The following MMRN1 variants were observed in gnomAD, a reference collection of about 807,000 sequenced individuals.
The protein encoded by MMRN1 is multimerin-1.
Under a neutral mutation model 100.7 loss-of-function variants are expected in MMRN1, and 94 were observed. The observed-to-expected ratio is 0.93, with a 90% CI of 0.79 to 1.11. The LOEUF (loss-of-function observed/expected upper bound fraction) is 1.11, where lower values mean the gene tolerates loss of function less well. Among genes scored for constraint, MMRN1 ranks in the 50% least tolerant of loss-of-function variants. MMRN1 has a pLI of 0.00. For synonymous variants in MMRN1, 575 were observed against 505.0 expected, an observed-to-expected ratio of 1.14 and a Z score of -1.86; for missense variants, 1,606 against 1,439.1, an observed-to-expected ratio of 1.12 and a Z score of -1.88.
intron 1 of MMRN1, among the ~76,000 whole-genome samples, chr4:89,903,444 A>T (rs1721454564): frequency 6.6e-6 from 1 of 151,426 alleles, no homozygotes; most frequent in South Asian, 2.1e-4. Flanking sequence ...GAAATTATTG[A>T]CTTGAAACAT....
rs779249513 is a variant in MMRN1 at position 89,895,454 on chromosome 4, C to A, written c.483C>A (p.Gly161=). ...CAACTTCTCTAAACACAGTTGGAGG[C>A]ACTGGAGGCATTGGAGGCGTTGGAG... The part of the protein sequence containing the change: ...EQATSLNTVG[G]TGGIGGVGGT... The change falls in exon 1 of 8, where the codon GGC becomes GGA. Residue 161 remains glycine (G), a synonymous_variant. Coordinates refer to ENST00000264790, the MANE Select transcript of MMRN1 (RefSeq NM_007351.3). 26 of 1,613,604 alleles carry A rather than the reference C, an allele frequency of 1.6e-5. 2 individuals carry two copies. The South Asian group carries it at 2.9e-4, about 18-fold the overall frequency.
chr4:89,894,710 CCATTTACCCTTAGCTTTGT>C, upstream of MMRN1: 1 of 323,398 alleles, frequency 3.1e-6, no homozygotes, highest in Non-Finnish European at 5.5e-6. Flanking sequence ...CTGTGCTTTC[CCATTTACCCTTAGCTTTGT>C]CAGAGACCCT....
At chr4:89,880,267 A>G (rs561279702) in intron 1 of MMRN1, among the ~76,000 whole-genome samples, 2 of 152,144 alleles carry the variant, frequency 1.3e-5, no homozygotes, top group Non-Finnish European at 2.9e-5. Context: ...CTCAGCTGCC[A>G]TATCTTGGGC....
chr4:89,883,427 T>C (rs1345808268), intron 1 of MMRN1, among the ~76,000 whole-genome samples: 1 of 152,014 alleles, frequency 6.6e-6, no homozygotes, highest in East Asian at 1.9e-4. Flanking sequence ...AAATTTTAGG[T>C]CTCTTAATGG....
intron 1 of MMRN1, among the ~76,000 whole-genome samples, chr4:89,900,254 G>C (rs942887740): frequency 1.3e-5 from 2 of 151,994 alleles, no homozygotes; most frequent in African/African-American, 4.8e-5. Flanking sequence ...GTGAAATTTG[G>C]TCTTTCATTC....
At chr4:89,901,741 A>C (rs1202638385) in intron 1 of MMRN1, among the ~76,000 whole-genome samples, 1 of 151,998 alleles carries the variant, frequency 6.6e-6, no homozygotes, top group Non-Finnish European at 1.5e-5. Context: ...CCCATTAATC[A>C]CATTCTTTAT....
rs1179753614 is a variant in MMRN1 at position 89,950,544 on chromosome 4, A to T, written c.3119-1061A>T. On this transcript the variant is annotated intron_variant, in intron 6 of 7. Transcript: ENST00000264790. ...TTTAAATGTTGCCACCTTATATTTAAATAATGTTATTATTGCTAAATTTAT... is the reference window on the plus strand; with the variant it reads ...TTTAAATGTTGCCACCTTATATTTATATAATGTTATTATTGCTAAATTTAT... Among the ~76,000 whole-genome samples, 4 of 152,152 alleles carry T rather than the reference A, an allele frequency of 2.6e-5. No individual in the cohort carries two copies. In the East Asian group the frequency reaches 7.7e-4, roughly 29 times the overall value.
chr4:89,895,279 C>G lies in MMRN1; in HGVS notation c.308C>G (p.Thr103Arg). ...GTGAGAAATCAAACTCTCACATCCACAGAGAAAGCAGAAGGAGTGGTCAAG... is the reference window on the plus strand; with the variant it reads ...GTGAGAAATCAAACTCTCACATCCAGAGAGAAAGCAGAAGGAGTGGTCAAG... ...EGVRNQTLTS[T>R]EKAEGVVKLQ... Residue 103 changes from threonine (T) to arginine (R), a missense_variant, in exon 1 of 8, where the codon ACA becomes AGA. Coordinates refer to ENST00000264790, the MANE Select transcript of MMRN1 (RefSeq NM_007351.3). The G allele has an allele frequency of 6.2e-7, 1 of 1,613,868 alleles. No individual in the cohort carries two copies.
chr4:89,880,024 C>T (rs78598237), intron 1 of MMRN1, among the ~76,000 whole-genome samples: 7,340 of 152,110 alleles, frequency 0.048, 252 homozygotes, highest in African/African-American at 0.089. Flanking sequence ...GTATAGAAAC[C>T]CTGGGGGAGG....
chr4:89,922,822 C>G (rs1387189053), intron 3 of MMRN1, among the ~76,000 whole-genome samples: 1 of 152,140 alleles, frequency 6.6e-6, no homozygotes, highest in Non-Finnish European at 1.5e-5. Flanking sequence ...TATAAGAATG[C>G]TATAGCTTTT....
intron 3 of MMRN1, among the ~76,000 whole-genome samples, chr4:89,920,414 T>C (rs1421260891): frequency 6.6e-6 from 1 of 152,170 alleles, no homozygotes; most frequent in Non-Finnish European, 1.5e-5. Context: ...ACACTCTTCA[T>C]ATGTTTCCAT....
At chr4:89,931,300 T>A (rs1418008452) in intron 5 of MMRN1, among the ~76,000 whole-genome samples, 2 of 152,176 alleles carry the variant, frequency 1.3e-5, no homozygotes, top group Non-Finnish European at 2.9e-5. Context: ...CTATTTTTAA[T>A]AATCACTCTT....
At chr4:89,950,530 C>T (rs766671373) in intron 6 of MMRN1, among the ~76,000 whole-genome samples, 4 of 151,934 alleles carry the variant, frequency 2.6e-5, no homozygotes, top group Non-Finnish European at 4.4e-5. Context: ...TTAAATGTTG[C>T]CACCTTATAT....
At position 89,927,859 on chromosome 4, in the gene MMRN1, G is replaced by C; in HGVS notation, c.1020G>C (p.Lys340Asn). Reference sequence around the variant, plus strand: ...CAATGAAACTGACTCTTCTGCAGAAGAAGATTGACAATATTTCTTTGACTG... The same window carrying C: ...CAATGAAACTGACTCTTCTGCAGAACAAGATTGACAATATTTCTTTGACTG... ...YQAMKLTLLQ[K>N]KIDNISLTVN... Residue 340 changes from lysine (K) to asparagine (N), a missense_variant, in exon 5 of 8, where the codon AAG becomes AAC. Coordinates refer to ENST00000264790, the MANE Select transcript of MMRN1 (RefSeq NM_007351.3). The C allele has an allele frequency of 6.2e-7, 1 of 1,612,776 alleles. No individual in the cohort carries two copies. Among genetic ancestry groups the C allele is most frequent in the East Asian group, 2.2e-5 (1 of 44,732 alleles).
chr4:89,886,787 T>G (rs889697485), intron 1 of MMRN1, among the ~76,000 whole-genome samples: 1 of 152,150 alleles, frequency 6.6e-6, no homozygotes, highest in Non-Finnish European at 1.5e-5. Flanking sequence ...CAACATACAA[T>G]GTTTAATTAT....
chr4:89,935,320 C>A lies in MMRN1; in HGVS notation c.1640C>A (p.Ser547Tyr). The stretch of plus-strand genomic sequence containing the variant: ...AGCAATAATGTCACTGAGTACATGT[C>A]TACTTTACATGAAAATATAAAGAAG... ...SVSNNVTEYM[S>Y]TLHENIKKQS... The change falls in exon 6 of 8, where the codon TCT becomes TAT. Residue 547 changes from serine to tyrosine, a missense_variant. Physicochemically the swap from Ser to Tyr is moderately radical, Grantham distance 144. Transcript: ENST00000264790. 2.5e-6 allele frequency: 4 copies of A among 1,613,648 alleles called. No individual in the cohort carries two copies. The highest frequency in any genetic ancestry group is 1.1e-5 in the South Asian group (1 of 91,038).
At chr4:89,951,555 G>C (rs1483630291) in intron 6 of MMRN1, 50 bp from the exon 7 acceptor site, 2 of 1,430,196 alleles carry the variant, frequency 1.4e-6, no homozygotes, top group South Asian at 3.3e-5. Context: ...AGATCAACAG[G>C]AAAATAGGTC....
chr4:89,932,372 A>G (rs372987776), intron 5 of MMRN1, among the ~76,000 whole-genome samples: 3 of 152,230 alleles, frequency 2.0e-5, no homozygotes, highest in East Asian at 3.9e-4. Context: ...TCTCATGCAC[A>G]GTGCAAGCTG....
chr4:89,914,760 T>C (rs1022110768), intron 3 of MMRN1, among the ~76,000 whole-genome samples: 2 of 151,498 alleles, frequency 1.3e-5, no homozygotes, highest in Non-Finnish European at 3.0e-5. Context: ...CTTAAATCTG[T>C]TTTATAAAAT....
Sources: gnomAD v4.1 joint callset for allele counts (sites outside exome capture counted in the v4.1 genomes callset) on GRCh38, gnomAD v4.1.1 for gene constraint, MANE v1.5 for transcripts, NCBI Gene and HGNC (gene_info 2026-07-23, HGNC 2026-07-21) for gene names.